The following TMEM236 variants were observed in gnomAD, a reference collection of about 807,000 sequenced individuals.
TMEM236 encodes the protein family with sequence similarity 23, member A.
TMEM236 carries 11 observed loss-of-function variants against 14.7 expected under a neutral mutation model. That is an observed-to-expected ratio of 0.75 (90% CI 0.47 to 1.24). The LOEUF is 1.24. TMEM236 is among the 50% of genes most tolerant of loss of function. TMEM236 has a pLI of 0.00. For synonymous variants in TMEM236, 182 were observed against 168.6 expected, an observed-to-expected ratio of 1.08 and a Z score of -0.62; for missense variants, 464 against 427.3, an observed-to-expected ratio of 1.09 and a Z score of -0.76.
At chr10:17,753,960 T>C (rs1327173615) in intron 1 of TMEM236, among the ~76,000 whole-genome samples, 3 of 152,224 alleles carry the variant, frequency 2.0e-5, no homozygotes, top group African/African-American at 7.2e-5. Flanking sequence ...AATGGGAGGC[T>C]ACAATTACTG....
At chr10:17,790,470 C>T (rs988513419) in intron 3 of TMEM236, among the ~76,000 whole-genome samples, 7 of 152,096 alleles carry the variant, frequency 4.6e-5, no homozygotes, top group Admixed American at 1.3e-4. Flanking sequence ...GCAGGAGGAT[C>T]GCTTGAGCCC....
At chr10:17,773,836 T>C (rs1435721184) in intron 2 of TMEM236, among the ~76,000 whole-genome samples, 1 of 152,244 alleles carries the variant, frequency 6.6e-6, no homozygotes, top group African/African-American at 2.4e-5. Flanking sequence ...TTTTTGATTA[T>C]ATGTATTGCA....
intron 2 of TMEM236, among the ~76,000 whole-genome samples, chr10:17,775,591 A>G (rs1437594400): frequency 6.6e-6 from 1 of 152,210 alleles, no homozygotes; most frequent in Non-Finnish European, 1.5e-5. Context: ...AGCTTTTTGT[A>G]AACATTTTAA....
chr10:17,798,202 A>G lies in TMEM236; in HGVS notation c.*1698A>G. On this transcript the variant is annotated 3_prime_UTR_variant, in exon 4 of 4. Transcript: ENST00000377495. ...GTTTCTTCAATGATCTGTGATAACA[A>G]ATCATTAAGAATGAGACATATGGCT... 1 of 212,808 alleles carries G rather than the reference A, an allele frequency of 4.7e-6. No homozygotes were observed. Among genetic ancestry groups the G allele is most frequent in the Non-Finnish European group, 9.5e-6 (1 of 105,218 alleles). The allele number at this position is 212,808 out of a possible 1,614,324, so 13.2% of individuals were successfully genotyped here.
At chr10:17,789,776 A>T (rs1837893496) in intron 3 of TMEM236, among the ~76,000 whole-genome samples, 3 of 152,054 alleles carry the variant, frequency 2.0e-5, no homozygotes, top group Admixed American at 1.3e-4. Flanking sequence ...TAATCGCAGC[A>T]CTCTGGGAGG....
chr10:17,797,923 TAATC>T lies in TMEM236; in HGVS notation c.*1422_*1425del, dbSNP rs1193677501. On this transcript the variant is annotated 3_prime_UTR_variant, in exon 4 of 4. Transcript: ENST00000377495. Reference sequence around the variant, plus strand: ...TTGTGGAATTTGATACTTTGATAAATAATCAAAGTACAAGCCCTGTTTAAAATTA... The same window carrying T: ...TTGTGGAATTTGATACTTTGATAAATAAAGTACAAGCCCTGTTTAAAATTA... The T allele has an allele frequency of 4.6e-5, 7 of 152,218 alleles. No individual in the cohort carries two copies. Among genetic ancestry groups the T allele is most frequent in the African/African-American group, 1.7e-4 (7 of 41,458 alleles). The allele number at this position is 152,218 out of a possible 1,614,324, so 9.4% of individuals were successfully genotyped here. A position where few individuals can be genotyped will look rare whatever the true frequency, so the allele number is the denominator to read the frequency against.
intron 2 of TMEM236, among the ~76,000 whole-genome samples, chr10:17,772,045 A>T (rs1361105487): frequency 6.6e-6 from 1 of 152,222 alleles, no homozygotes; most frequent in African/African-American, 2.4e-5. Flanking sequence ...TTACCTTGTG[A>T]TATTTCACTT....
intron 3 of TMEM236, among the ~76,000 whole-genome samples, chr10:17,784,133 TG>T (rs1294388259): frequency 0.015 from 2,291 of 152,346 alleles, 19 homozygotes; most frequent in Non-Finnish European, 0.024. Flanking sequence ...GGTGTAGTTA[TG>T]CTTAAAAAGT....
chr10:17,753,455 G>T (rs1337743633), intron 1 of TMEM236, among the ~76,000 whole-genome samples: 3 of 152,078 alleles, frequency 2.0e-5, no homozygotes, highest in Non-Finnish European at 4.4e-5. Flanking sequence ...GTGTGCATGT[G>T]TTCTCATCAT....
chr10:17,771,780 A>G (rs1315442139), intron 2 of TMEM236, among the ~76,000 whole-genome samples: 4 of 152,232 alleles, frequency 2.6e-5, no homozygotes, highest in African/African-American at 7.2e-5. Flanking sequence ...TAAGATGTCC[A>G]TTGATAATAA....
At chr10:17,783,457 C>T (rs1161141878) in intron 3 of TMEM236, among the ~76,000 whole-genome samples, 4 of 152,094 alleles carry the variant, frequency 2.6e-5, no homozygotes, top group African/African-American at 9.7e-5. Context: ...GAGAGGTGCC[C>T]GGTATGATGT....
rs1014344346 is a variant in TMEM236 at position 17,781,660 on chromosome 10, C to T, written c.472+5490C>T. Among the ~76,000 whole-genome samples the T allele has an allele frequency of 1.4e-4, 21 of 148,764 alleles. No homozygotes were observed. In the East Asian group the frequency reaches 2.2e-3, roughly 16 times the overall value. Reference sequence around the variant, plus strand: ...ACTGGGGAGGCTGAGGCAGAAGAATCGCTTGAACCCAGGAGGCGGAGATTG... The same window carrying T: ...ACTGGGGAGGCTGAGGCAGAAGAATTGCTTGAACCCAGGAGGCGGAGATTG... On this transcript the variant is annotated intron_variant, in intron 3 of 3. Transcript: ENST00000377495.
chr10:17,766,323 C>T (rs1382066752), intron 1 of TMEM236, among the ~76,000 whole-genome samples: 2 of 152,150 alleles, frequency 1.3e-5, no homozygotes, highest in Admixed American at 1.3e-4. Context: ...AATTTTCTGC[C>T]ATTTCATAGA....
Position 17,771,514 on chromosome 10 carries a change from T to C in TMEM236, c.330+133T>C, listed in dbSNP as rs546631170. The C allele has an allele frequency of 6.6e-4, 573 of 870,528 alleles. 3 individuals are homozygous for C. In the East Asian group the frequency reaches 0.01, roughly 16 times the overall value. 53.9% of individuals were successfully genotyped at this position (870,528 alleles called of 1,614,324 possible). On this transcript the variant is annotated intron_variant, in intron 2 of 3. Transcript: ENST00000377495. ...AATCCAATCTTCTTCCAGGTTGCAA[T>C]ATATGTTATTTAAAGTACTGAGATC...
At chr10:17,756,326 T>C (rs2131739086) in intron 1 of TMEM236, among the ~76,000 whole-genome samples, 1 of 152,120 alleles carries the variant, frequency 6.6e-6, no homozygotes, top group African/African-American at 2.4e-5. Flanking sequence ...AGATGGAGTC[T>C]AGCTCTGTTG....
intron 1 of TMEM236, 32 bp downstream of exon 1, chr10:17,752,584 T>G (rs1564590608): frequency 6.2e-7 from 1 of 1,604,402 alleles, no homozygotes; most frequent in Non-Finnish European, 8.5e-7. Flanking sequence ...TTTTTCTTTT[T>G]GATTTGGAGT....
At chr10:17,771,420 G>A in intron 2 of TMEM236, 39 bp downstream of exon 2, 1 of 1,576,828 alleles carries the variant, frequency 6.3e-7, no homozygotes, top group Non-Finnish European at 8.7e-7. Flanking sequence ...AAGATTATGA[G>A]ATTTTATAAT....
chr10:17,758,419 T>A (rs955017265), intron 1 of TMEM236, among the ~76,000 whole-genome samples: 31 of 152,126 alleles, frequency 2.0e-4, no homozygotes, highest in Non-Finnish European at 5.9e-5. Context: ...CCCAGGAATA[T>A]ATGTAAAGGA....
At position 17,800,693 on chromosome 10, in the gene TMEM236, A is replaced by C. The variant is rs1359534980; in HGVS notation, c.*4189A>C. 1.3e-5 allele frequency: 2 copies of C among 152,192 alleles called. No individual in the cohort carries two copies. Among genetic ancestry groups the C allele is most frequent in the African/African-American group, 4.8e-5 (2 of 41,440 alleles). 9.4% of individuals were successfully genotyped at this position (152,192 alleles called of 1,614,324 possible). On this transcript the variant is annotated 3_prime_UTR_variant, in exon 4 of 4. Coordinates refer to ENST00000377495, the MANE Select transcript of TMEM236 (RefSeq NM_001098844.3). ...GGCCTTACATAGTGAATATATCAATAGTTGTTCACAAAAAGAGCAATATAC... is the reference window on the plus strand; with the variant it reads ...GGCCTTACATAGTGAATATATCAATCGTTGTTCACAAAAAGAGCAATATAC...
Sources: gnomAD v4.1 joint callset for allele counts (sites outside exome capture counted in the v4.1 genomes callset) on GRCh38, gnomAD v4.1.1 for gene constraint, MANE v1.5 for transcripts, NCBI Gene and HGNC (gene_info 2026-07-23, HGNC 2026-07-21) for gene names.